The following MAGI2 variants were observed in gnomAD, a reference collection of about 807,000 sequenced individuals.
MAGI2 encodes the protein membrane-associated guanylate kinase, WW and PDZ domain-containing protein 2.
A neutral mutation model predicts 133.3 loss-of-function variants in MAGI2; 35 were observed. The observed-to-expected ratio is 0.26, with a 90% CI of 0.20 to 0.35. MAGI2 has a LOEUF of 0.35. MAGI2 is among the 10% of genes least tolerant of loss of function. The pLI, the probability that MAGI2 is intolerant of heterozygous loss-of-function variation, is 1.00. For synonymous variants in MAGI2, 729 were observed against 710.6 expected (o/e 1.03, Z -0.41); for missense variants, 1,636 against 1,863.4 (o/e 0.88, Z 2.25).
chr7:78,076,738 G>T (rs369544575), intron 21 of MAGI2, among the ~76,000 whole-genome samples: 24 of 149,544 alleles, frequency 1.6e-4, no homozygotes, highest in Non-Finnish European at 3.1e-4. Flanking sequence ...CCCAGCTACT[G>T]GGGAGGCTGA....
chr7:78,296,043 A>G (rs1398704182), intron 9 of MAGI2, among the ~76,000 whole-genome samples: 3 of 152,178 alleles, frequency 2.0e-5, no homozygotes, highest in Non-Finnish European at 4.4e-5. Context: ...AGTTTCAGCT[A>G]TAACGCTCCC....
intron 1 of MAGI2, among the ~76,000 whole-genome samples, chr7:79,118,139 G>T (rs1202326474): frequency 6.6e-6 from 1 of 152,190 alleles, no homozygotes; most frequent in Non-Finnish European, 1.5e-5. Flanking sequence ...CTTTGGCTGA[G>T]AAAAATGGTC....
intron 1 of MAGI2, among the ~76,000 whole-genome samples, chr7:79,358,707 T>A (rs1842183954): frequency 6.6e-6 from 1 of 152,152 alleles, no homozygotes; most frequent in South Asian, 2.1e-4. Context: ...CTCCTAGTGA[T>A]ACTTGGAAGC....
At chr7:78,483,399 C>T (rs967490319) in intron 6 of MAGI2, among the ~76,000 whole-genome samples, 1 of 151,742 alleles carries the variant, frequency 6.6e-6, no homozygotes, top group African/African-American at 2.4e-5. Context: ...CTTACCTAGG[C>T]ACTACTTTAT....
chr7:78,810,516 A>T (rs1306216128), intron 2 of MAGI2, among the ~76,000 whole-genome samples: 1 of 152,126 alleles, frequency 6.6e-6, no homozygotes, highest in Non-Finnish European at 1.5e-5. Context: ...AATACAATTT[A>T]ATATATTAGT....
At chr7:78,499,810 A>G (rs1794458175) in intron 5 of MAGI2, among the ~76,000 whole-genome samples, 1 of 152,184 alleles carries the variant, frequency 6.6e-6, no homozygotes, top group Admixed American at 6.5e-5. Flanking sequence ...CCGAACATCA[A>G]TTGTTCTGAA....
intron 3 of MAGI2, among the ~76,000 whole-genome samples, chr7:78,564,780 A>ATTTTTT (rs1584654139): frequency 3.7e-4 from 27 of 72,156 alleles, no homozygotes; most frequent in Non-Finnish European, 6.3e-4. Context: ...TCTCTTTGAC[A>ATTTTTT]TTCTTTTTTT....
At chr7:79,238,620 C>T (rs1481870520) in intron 1 of MAGI2, among the ~76,000 whole-genome samples, 2 of 152,164 alleles carry the variant, frequency 1.3e-5, no homozygotes, top group African/African-American at 4.8e-5. Flanking sequence ...TAAGGAACTG[C>T]AGTCAGTACA....
intron 1 of MAGI2, among the ~76,000 whole-genome samples, chr7:79,041,468 A>G (rs531561018): frequency 3.1e-4 from 47 of 152,286 alleles, no homozygotes; most frequent in African/African-American, 1.1e-3. Flanking sequence ...AAATTCTTTA[A>G]TAAACATAAT....
At chr7:79,325,138 C>T (rs986656004) in intron 1 of MAGI2, among the ~76,000 whole-genome samples, 2 of 152,148 alleles carry the variant, frequency 1.3e-5, no homozygotes, top group East Asian at 1.9e-4. Context: ...AGCAGTCTCT[C>T]TGCCTCCAGT....
At chr7:78,536,590 A>T (rs1797952380) in intron 3 of MAGI2, among the ~76,000 whole-genome samples, 1 of 152,128 alleles carries the variant, frequency 6.6e-6, no homozygotes, top group Admixed American at 6.5e-5. Flanking sequence ...AATGGTTAGG[A>T]AGGAACTAAT....
At chr7:79,272,304 G>A (rs185532911) in intron 1 of MAGI2, among the ~76,000 whole-genome samples, 1 of 151,864 alleles carries the variant, frequency 6.6e-6, no homozygotes, top group Admixed American at 6.6e-5. Context: ...TAAACCATGC[G>A]GCAACTAAAT....
chr7:78,227,685 G>A (rs756293694), intron 10 of MAGI2, among the ~76,000 whole-genome samples: 8 of 152,128 alleles, frequency 5.3e-5, no homozygotes, highest in Non-Finnish European at 7.3e-5. Flanking sequence ...ATGAAATGAT[G>A]TTCTCTTCAC....
chr7:78,656,977 TA>T (rs1192533404), intron 2 of MAGI2, among the ~76,000 whole-genome samples: 1 of 111,938 alleles, frequency 8.9e-6, no homozygotes, highest in Non-Finnish European at 1.9e-5. Context: ...TAAGAAAACA[TA>T]AAACCCAGTA....
chr7:78,523,351 C>G (rs541868796), intron 3 of MAGI2, among the ~76,000 whole-genome samples: 1 of 151,914 alleles, frequency 6.6e-6, no homozygotes, highest in African/African-American at 2.4e-5. Flanking sequence ...AATTGCCCGA[C>G]GCCCGTAGTC....
intron 5 of MAGI2, among the ~76,000 whole-genome samples, chr7:78,493,648 A>G (rs1793822927): frequency 6.6e-6 from 1 of 151,962 alleles, no homozygotes; most frequent in Admixed American, 6.6e-5. Flanking sequence ...TAGTGGTCTG[A>G]AACCAGAGGC....
chr7:78,728,769 T>G (rs1276679164), intron 2 of MAGI2, among the ~76,000 whole-genome samples: 1 of 130,784 alleles, frequency 7.6e-6, no homozygotes, highest in Non-Finnish European at 1.7e-5. Context: ...GTTTCACCGT[T>G]TTAGCCGGGA....
chr7:78,148,495 GA>G (rs1415734152), intron 16 of MAGI2, among the ~76,000 whole-genome samples: 7 of 152,100 alleles, frequency 4.6e-5, no homozygotes, highest in Non-Finnish European at 1.0e-4. Flanking sequence ...AAAATAGGGG[GA>G]AAAGTGAAAA....
chr7:78,489,899 C>CTT, intron 5 of MAGI2, 59 bp from the exon 6 acceptor site: 2 of 1,172,150 alleles, frequency 1.7e-6, no homozygotes, highest in Non-Finnish European at 2.3e-6. Context: ...AAGTTTATTC[C>CTT]TTAAGAAAAA....
Sources: gnomAD v4.1 joint callset for allele counts (sites outside exome capture counted in the v4.1 genomes callset) on GRCh38, gnomAD v4.1.1 for gene constraint, MANE v1.5 for transcripts, NCBI Gene and HGNC (gene_info 2026-07-23, HGNC 2026-07-21) for gene names.